Variants in RAB38 observed in about 807,000 individuals in gnomAD.
RAB38 encodes the protein RAB38, member RAS oncogene family, also known as ras-related protein Rab-38.
In RAB38, 15 loss-of-function variants were observed where a neutral mutation model predicts 18.4. The observed-to-expected ratio is 0.82, with a 90% CI of 0.55 to 1.26. RAB38 has a LOEUF of 1.26. Ranked by LOEUF, RAB38 falls within the 50% of genes most tolerant of loss-of-function variation. RAB38 has a pLI of 0.00. For synonymous variants in RAB38, 101 were observed against 104.4 expected (o/e 0.97, Z 0.20); for missense variants, 294 against 267.4 (o/e 1.10, Z -0.69).
chr11:88,026,094 A>G, the RAB38 span, among the ~76,000 whole-genome samples: 5 of 152,008 alleles, frequency 3.3e-5, no homozygotes, highest in Non-Finnish European at 7.4e-5. Context: ...CCTCCTGAGT[A>G]GCTGGGATTA....
the RAB38 span, among the ~76,000 whole-genome samples, chr11:87,883,785 A>T: frequency 4.7e-4 from 72 of 152,054 alleles, 1 homozygote; most frequent in African/African-American, 1.5e-3. Flanking sequence ...AGGTGTCATG[A>T]CCTAAGAAAT....
At chr11:87,834,115 A>G in the RAB38 span, among the ~76,000 whole-genome samples, 5,613 of 152,164 alleles carry the variant, frequency 0.037, 121 homozygotes, top group African/African-American at 0.069. Flanking sequence ...GTCCATTTGG[A>G]CCGTATGGAA....
the RAB38 span, among the ~76,000 whole-genome samples, chr11:88,045,590 C>T: frequency 6.6e-6 from 1 of 152,204 alleles, no homozygotes; most frequent in Non-Finnish European, 1.5e-5. Flanking sequence ...GCAGCCACTC[C>T]CAGAGCCCCT....
the RAB38 span, among the ~76,000 whole-genome samples, chr11:88,036,820 TGA>T: frequency 1.3e-5 from 2 of 152,014 alleles, no homozygotes; most frequent in Non-Finnish European, 2.9e-5. Flanking sequence ...TTTCTTAATA[TGA>T]GTCTTTAATC....
the RAB38 span, among the ~76,000 whole-genome samples, chr11:87,907,580 G>A: frequency 6.6e-6 from 1 of 150,914 alleles, no homozygotes; most frequent in African/African-American, 2.4e-5. Flanking sequence ...TACTTTTTCT[G>A]TTCTTTCTTT....
At chr11:87,876,522 A>T in the RAB38 span, among the ~76,000 whole-genome samples, 1 of 151,532 alleles carries the variant, frequency 6.6e-6, no homozygotes, top group African/African-American at 2.4e-5. Flanking sequence ...ATTAATTCTC[A>T]CCTAATAAAA....
At chr11:87,858,746 A>C in the RAB38 span, among the ~76,000 whole-genome samples, 7 of 152,246 alleles carry the variant, frequency 4.6e-5, no homozygotes, top group Non-Finnish European at 8.8e-5. Flanking sequence ...TAACAATGGC[A>C]TAGGAAGAAG....
chr11:87,829,610 C>G, the RAB38 span, among the ~76,000 whole-genome samples: 212 of 152,236 alleles, frequency 1.4e-3, 1 homozygote, highest in Non-Finnish European at 2.1e-3. Context: ...TCCCAGGATC[C>G]AATCACCTCA....
chr11:88,053,141 A>G, the RAB38 span, among the ~76,000 whole-genome samples: 1 of 109,184 alleles, frequency 9.2e-6, no homozygotes, highest in Admixed American at 1.1e-4. Flanking sequence ...TATATACAAT[A>G]TATATGGAAT....
At chr11:87,837,740 C>T in the RAB38 span, among the ~76,000 whole-genome samples, 2 of 152,282 alleles carry the variant, frequency 1.3e-5, no homozygotes, top group Admixed American at 6.5e-5. Flanking sequence ...ACTTTTGCTC[C>T]AAGTCACACA....
At chr11:87,977,660 T>C in the RAB38 span, among the ~76,000 whole-genome samples, 4 of 117,950 alleles carry the variant, frequency 3.4e-5, no homozygotes, top group Non-Finnish European at 6.5e-5. Flanking sequence ...ATACAGTATA[T>C]AACTATATAT....
At chr11:88,111,659 C>A (rs1051268932), downstream of RAB38, among the ~76,000 whole-genome samples, 5 of 152,306 alleles carry the variant, frequency 3.3e-5, no homozygotes, top group Admixed American at 3.3e-4. Context: ...TAGTCTACCA[C>A]TTAATGACCC....
At chr11:87,869,384 T>G in the RAB38 span, among the ~76,000 whole-genome samples, 1 of 151,672 alleles carries the variant, frequency 6.6e-6, no homozygotes, top group Non-Finnish European at 1.5e-5. Flanking sequence ...CACTCATAGT[T>G]TCTTGGTCAG....
the RAB38 span, among the ~76,000 whole-genome samples, chr11:87,950,591 A>C: frequency 6.6e-6 from 1 of 152,078 alleles, no homozygotes; most frequent in Admixed American, 6.5e-5. Flanking sequence ...GTAGTGACAA[A>C]ATCTCTCAGC....
At chr11:88,099,084 T>A in the RAB38 span, among the ~76,000 whole-genome samples, 51,072 of 151,794 alleles carry the variant, frequency 0.34, 11,851 homozygotes, top group African/African-American at 0.65. Flanking sequence ...GTTTTATTTC[T>A]AATAAAGCTC....
the RAB38 span, chr11:88,098,664 T>G: frequency 6.6e-6 from 1 of 151,736 alleles, no homozygotes; most frequent in Non-Finnish European, 1.5e-5. Context: ...GGATTTTCTA[T>G]TTTACTAAAG....
At chr11:88,048,956 T>C in the RAB38 span, among the ~76,000 whole-genome samples, 1 of 152,192 alleles carries the variant, frequency 6.6e-6, no homozygotes, top group East Asian at 1.9e-4. Flanking sequence ...GTTTAGTTTT[T>C]CAATTCATAC....
At chr11:88,142,646 C>A (rs768382587) in intron 2 of RAB38, among the ~76,000 whole-genome samples, 11 of 152,294 alleles carry the variant, frequency 7.2e-5, no homozygotes, top group Non-Finnish European at 1.2e-4. Context: ...TCTGAAGACT[C>A]CTGAAGCCAG....
At chr11:87,967,168 A>T in the RAB38 span, among the ~76,000 whole-genome samples, 1 of 152,174 alleles carries the variant, frequency 6.6e-6, no homozygotes, top group African/African-American at 2.4e-5. Context: ...TTCCACCTTT[A>T]TTTGTCACCC....
Sources: gnomAD v4.1 joint callset for allele counts (sites outside exome capture counted in the v4.1 genomes callset) on GRCh38, gnomAD v4.1.1 for gene constraint, MANE v1.5 for transcripts, NCBI Gene and HGNC (gene_info 2026-07-23, HGNC 2026-07-21) for gene names.